Variants in BAZ1B observed in about 807,000 individuals in gnomAD.
BAZ1B encodes the protein tyrosine-protein kinase BAZ1B.
In BAZ1B, 22 loss-of-function variants were observed where a neutral mutation model predicts 153.8. That is an observed-to-expected ratio of 0.14 (90% confidence interval 0.10 to 0.20). The LOEUF (loss-of-function observed/expected upper bound fraction) is 0.20. Among genes scored for constraint, BAZ1B ranks in the 10% least tolerant of loss-of-function variants. The pLI, the probability that BAZ1B is intolerant of heterozygous loss-of-function variation, is 1.00. For missense variants in BAZ1B, 1,325 were observed against 1,799.3 expected (o/e 0.74, Z 4.77); for synonymous variants, 676 against 633.4 (o/e 1.07, Z -1.01).
rs782452288 is a variant in BAZ1B, at chr7:73,477,998, C to T, written c.1463G>A (p.Arg488Lys). The T allele has an allele frequency of 6.2e-7, 1 of 1,613,972 alleles. No individual in the cohort carries two copies. The highest frequency in any genetic ancestry group is 1.3e-5 in the African/African-American group (1 of 74,932). The change falls in exon 7 of 20, where the codon AGG becomes AAG. Residue 488 changes from arginine to lysine, a missense_variant. Arg to Lys is a conservative substitution (Grantham distance 26). This residue lies in a region of BAZ1B where 154 missense variants were observed against 266.3 expected (regional missense o/e 0.58). Coordinates refer to ENST00000339594, the MANE Select transcript of BAZ1B (RefSeq NM_032408.4). The surrounding 1 kb of genome is among the most constrained non-coding windows in gnomAD (Gnocchi z 5.6). ...LIAYYKENKD[R>K]EDKRSALSCV... ...GGACAGGGCGCTCCTCTTGTCCTCC[C>T]TGTCTTTGTTTTCTTTGTAGTATGC...
intron 9 of BAZ1B, among the ~76,000 whole-genome samples, chr7:73,468,270 G>A (rs1432325642): frequency 6.6e-6 from 1 of 152,146 alleles, no homozygotes; most frequent in African/African-American, 2.4e-5. Context: ...ACTGCTGCCT[G>A]CCACATGTAT....
chr7:73,453,210 G>A (rs1010878157), intron 13 of BAZ1B, among the ~76,000 whole-genome samples: 2 of 152,234 alleles, frequency 1.3e-5, no homozygotes, highest in South Asian at 2.1e-4. Context: ...GGGGAACCAC[G>A]AGGCATAATG....
At chr7:73,493,044 G>A (rs1554575773) in intron 4 of BAZ1B, 123 bp from the exon 5 acceptor site, 4 of 1,006,642 alleles carry the variant, frequency 4.0e-6, no homozygotes, top group Non-Finnish European at 4.2e-6. Flanking sequence ...GTACAAAAAT[G>A]AATCATAATG....
intron 1 of BAZ1B, 61 bp downstream of exon 1, chr7:73,521,765 GC>G (rs1791058042): frequency 1.5e-6 from 2 of 1,359,908 alleles, no homozygotes; most frequent in Admixed American, 2.6e-5. Flanking sequence ...GGTCTCGCGA[GC>G]CCCAGGCCCT....
intron 13 of BAZ1B, among the ~76,000 whole-genome samples, chr7:73,452,029 G>C (rs1184386690): frequency 6.6e-6 from 1 of 152,136 alleles, no homozygotes; most frequent in African/African-American, 2.4e-5. Context: ...AAACAGTCAT[G>C]GGCAGTCCTG....
chr7:73,479,200 C>G (rs1789105766), intron 6 of BAZ1B, among the ~76,000 whole-genome samples: 1 of 152,022 alleles, frequency 6.6e-6, no homozygotes, highest in African/African-American at 2.4e-5. Flanking sequence ...CCTTTGTCCT[C>G]ACCCAACACT....
chr7:73,515,919 C>A (rs1307696687), intron 1 of BAZ1B, among the ~76,000 whole-genome samples: 2 of 151,884 alleles, frequency 1.3e-5, no homozygotes, highest in African/African-American at 4.8e-5. Flanking sequence ...CAGAGGGGAA[C>A]GGATCACTTG....
intron 1 of BAZ1B, among the ~76,000 whole-genome samples, chr7:73,519,458 C>T (rs1790940996): frequency 6.6e-6 from 1 of 152,076 alleles, no homozygotes; most frequent in Non-Finnish European, 1.5e-5. Context: ...GCAGAAATTC[C>T]CGAAAGAGCA....
rs1485989095 is a variant in BAZ1B at position 73,449,784 on chromosome 7, C to T, written c.3581-95G>A. The T allele has an allele frequency of 1.4e-5, 19 of 1,345,900 alleles. No individual in the cohort carries two copies. The Middle Eastern group carries it at 6.3e-4, about 45-fold the overall frequency. The allele number at this position is 1,345,900 out of a possible 1,614,324, so 83.4% of individuals were successfully genotyped here. A position where few individuals can be genotyped will look rare whatever the true frequency, so the allele number is the denominator to read the frequency against. On this transcript the variant is annotated intron_variant, in intron 14 of 19. Coordinates refer to ENST00000339594, the MANE Select transcript of BAZ1B (RefSeq NM_032408.4). ...CAATCACCCTACAATTCAAGGCACACGAGGAGACATGTTCCATAGAATGCT... is the reference window on the plus strand; with the variant it reads ...CAATCACCCTACAATTCAAGGCACATGAGGAGACATGTTCCATAGAATGCT...
intron 2 of BAZ1B, 118 bp downstream of exon 2, chr7:73,510,618 T>C: frequency 1.1e-6 from 1 of 951,574 alleles, no homozygotes; most frequent in Non-Finnish European, 1.6e-6. Flanking sequence ...TACACTAATG[T>C]AATATAGTCT....
chr7:73,474,169 G>C (rs1276763198), intron 7 of BAZ1B, among the ~76,000 whole-genome samples: 2 of 152,112 alleles, frequency 1.3e-5, no homozygotes, highest in East Asian at 1.9e-4. Context: ...AGCGTATCAA[G>C]GCCATTCAAT....
chr7:73,489,495 A>G, intron 5 of BAZ1B, 104 bp from the exon 6 acceptor site: 7 of 1,153,818 alleles, frequency 6.1e-6, no homozygotes, highest in African/African-American at 1.5e-5. Context: ...AATTCCATCT[A>G]TATCAACAGG....
rs80184747 is a variant in BAZ1B at position 73,495,515 on chromosome 7, A to G, written c.572-2594T>C. ...ATGGCAGGGAAGGAAGGAAGTAAAG[A>G]AACCGAATAGCTGGAGCACTAGGAG... On this transcript the variant is annotated intron_variant, in intron 4 of 19. Coordinates refer to ENST00000339594, the MANE Select transcript of BAZ1B (RefSeq NM_032408.4). 2.8e-3 allele frequency among the ~76,000 whole-genome samples: 430 copies of G among 152,334 alleles called. 2 individuals are homozygous for G. The highest frequency in any genetic ancestry group is 0.01 in the African/African-American group (420 of 41,576).
intron 10 of BAZ1B, 114 bp downstream of exon 10, chr7:73,466,182 A>G: frequency 1.4e-6 from 1 of 736,536 alleles, no homozygotes; most frequent in East Asian, 2.6e-5. Flanking sequence ...TATCAGTCAC[A>G]CAAAGTATCC....
intron 6 of BAZ1B, among the ~76,000 whole-genome samples, chr7:73,486,862 TATC>T (rs1789431002): frequency 6.6e-6 from 1 of 152,240 alleles, no homozygotes; most frequent in African/African-American, 2.4e-5. Flanking sequence ...AGGTTCTACT[TATC>T]ATCTGTGTTA....
At position 73,521,778 on chromosome 7, in the gene BAZ1B, C is replaced by A. The variant is rs979259528; in HGVS notation, c.107+49G>T. On this transcript the variant is annotated intron_variant, in intron 1 of 19. Transcript: ENST00000339594. ...CTGGTCTCGCGAGCCCCAGGCCCTACCCCGGCCCAGCCCGGCCCAGCCCGG... is the reference window on the plus strand; with the variant it reads ...CTGGTCTCGCGAGCCCCAGGCCCTAACCCGGCCCAGCCCGGCCCAGCCCGG... 301 of 1,448,302 alleles carry A rather than the reference C, an allele frequency of 2.1e-4. No homozygotes were observed. The highest frequency in any genetic ancestry group is 2.7e-4 in the Non-Finnish European group (289 of 1,085,072). The allele number at this position is 1,448,302 out of a possible 1,614,324, so 89.7% of individuals were successfully genotyped here.
At chr7:73,479,670 C>T (rs1304751817) in intron 6 of BAZ1B, among the ~76,000 whole-genome samples, 1 of 152,106 alleles carries the variant, frequency 6.6e-6, no homozygotes, top group Non-Finnish European at 1.5e-5. Flanking sequence ...ATTACATTTT[C>T]ACCATCCTAA....
At chr7:73,468,171 C>G (rs1788665251) in intron 9 of BAZ1B, among the ~76,000 whole-genome samples, 1 of 152,112 alleles carries the variant, frequency 6.6e-6, no homozygotes, top group South Asian at 2.1e-4. Flanking sequence ...CACATGACAC[C>G]AACACATAAG....
At chr7:73,442,025 C>T (rs1554565139) in intron 19 of BAZ1B, 156 bp downstream of exon 19, 1 of 610,940 alleles carries the variant, frequency 1.6e-6, no homozygotes, top group Non-Finnish European at 2.9e-6. Context: ...GACCACCAAC[C>T]CAATATCAAG....
Sources: gnomAD v4.1 joint callset for allele counts (sites outside exome capture counted in the v4.1 genomes callset) on GRCh38, gnomAD v4.1.1 for gene constraint, gnomAD v4.1.1 regional missense constraint, Gnocchi (gnomAD v3.1) non-coding constraint, MANE v1.5 for transcripts, NCBI Gene and HGNC (gene_info 2026-07-23, HGNC 2026-07-21) for gene names.